Variants in SNTG1 observed in about 807,000 individuals in gnomAD.
SNTG1 encodes the protein gamma-1-syntrophin.
A neutral mutation model predicts 74.7 loss-of-function variants in SNTG1; 39 were observed. That is an observed-to-expected ratio of 0.52 (90% CI 0.40 to 0.68). SNTG1 has a LOEUF of 0.68. Among genes scored for constraint, SNTG1 ranks in the 30% least tolerant of loss-of-function variants. The pLI, the probability that SNTG1 is intolerant of heterozygous loss-of-function variation, is 0.00. For missense variants in SNTG1, 685 were observed against 609.5 expected, an observed-to-expected ratio of 1.12 and a Z score of -1.30; for synonymous variants, 254 against 217.1, an observed-to-expected ratio of 1.17 and a Z score of -1.49.
intron 4 of SNTG1, among the ~76,000 whole-genome samples, chr8:50,424,221 T>A (rs1465651217): frequency 2.0e-5 from 3 of 152,126 alleles, no homozygotes; most frequent in Admixed American, 6.6e-5. Context: ...GTACCCTCCC[T>A]CAGCATCACT....
At chr8:50,561,734 G>A (rs1186159540) in intron 12 of SNTG1, among the ~76,000 whole-genome samples, 1 of 152,134 alleles carries the variant, frequency 6.6e-6, no homozygotes, top group African/African-American at 2.4e-5. Flanking sequence ...TACGGAATCA[G>A]AAGAAGAAAA....
At chr8:49,934,797 C>T (rs893114163) in intron 1 of SNTG1, among the ~76,000 whole-genome samples, 5 of 152,080 alleles carry the variant, frequency 3.3e-5, no homozygotes, top group African/African-American at 1.2e-4. Flanking sequence ...AAAATCTAAT[C>T]TCCATAAGAA....
intron 13 of SNTG1, among the ~76,000 whole-genome samples, chr8:50,633,494 A>G (rs1300027422): frequency 6.6e-6 from 1 of 152,192 alleles, no homozygotes; most frequent in Non-Finnish European, 1.5e-5. Flanking sequence ...CTAAAGATGG[A>G]TAACAAGGGC....
chr8:50,716,975 A>G (rs932888374), intron 17 of SNTG1, among the ~76,000 whole-genome samples: 1 of 152,000 alleles, frequency 6.6e-6, no homozygotes, highest in Non-Finnish European at 1.5e-5. Flanking sequence ...TGACCTCGTG[A>G]TCCGCCTGCC....
intron 18 of SNTG1, among the ~76,000 whole-genome samples, chr8:50,783,741 T>C (rs1260870338): frequency 6.6e-6 from 1 of 152,202 alleles, no homozygotes; most frequent in African/African-American, 2.4e-5. Context: ...CCTAGTGAGA[T>C]GAACCTGGTA....
chr8:50,205,700 G>T (rs1231491721), intron 2 of SNTG1, among the ~76,000 whole-genome samples: 2 of 152,100 alleles, frequency 1.3e-5, no homozygotes, highest in African/African-American at 2.4e-5. Flanking sequence ...TATGGTTTTA[G>T]GTCTAACATG....
At chr8:50,065,976 GGAGGCC>G (rs1460502240) in intron 1 of SNTG1, among the ~76,000 whole-genome samples, 1 of 152,042 alleles carries the variant, frequency 6.6e-6, no homozygotes, top group African/African-American at 2.4e-5. Flanking sequence ...CACCACTTTG[GGAGGCC>G]GAGGCAGGCG....
At chr8:50,244,356 A>G (rs2086296028) in intron 2 of SNTG1, among the ~76,000 whole-genome samples, 1 of 152,158 alleles carries the variant, frequency 6.6e-6, no homozygotes, top group Non-Finnish European at 1.5e-5. Context: ...GAAGGCTTTT[A>G]GTAAGTGGGG....
chr8:50,381,693 C>T (rs2092486222), intron 2 of SNTG1, among the ~76,000 whole-genome samples: 4 of 111,192 alleles, frequency 3.6e-5, no homozygotes, highest in Admixed American at 1.0e-4. Flanking sequence ...ATATATATAT[C>T]CTATTAGTTA....
intron 2 of SNTG1, among the ~76,000 whole-genome samples, chr8:50,276,346 T>C (rs2088101710): frequency 6.7e-6 from 1 of 149,964 alleles, no homozygotes; most frequent in African/African-American, 2.5e-5. Context: ...ACTTAGGTTT[T>C]AGCACACATA....
chr8:50,533,097 A>G (rs114956223), intron 10 of SNTG1, among the ~76,000 whole-genome samples: 5 of 152,342 alleles, frequency 3.3e-5, no homozygotes, highest in African/African-American at 1.2e-4. Flanking sequence ...TTGAAGGTAC[A>G]TGAAAGTCAC....
intron 2 of SNTG1, among the ~76,000 whole-genome samples, chr8:50,256,541 G>A (rs997338319): frequency 2.0e-5 from 3 of 151,928 alleles, no homozygotes; most frequent in African/African-American, 7.3e-5. Context: ...GACTGGTAGG[G>A]GAGATGGACA....
At chr8:50,765,323 G>T (rs2095610962) in intron 18 of SNTG1, among the ~76,000 whole-genome samples, 1 of 151,980 alleles carries the variant, frequency 6.6e-6, no homozygotes, top group Non-Finnish European at 1.5e-5. Context: ...AGGTCACGTG[G>T]CTAGAAGGAG....
intron 2 of SNTG1, among the ~76,000 whole-genome samples, chr8:50,293,500 C>T (rs2089223786): frequency 6.6e-6 from 1 of 151,716 alleles, no homozygotes; most frequent in Admixed American, 6.6e-5. Context: ...ACCTCTGCCT[C>T]CTGGGTTCAA....
In SNTG1 at chr8:50,795,831, A is replaced by G. The variant is rs1802786275; in HGVS notation, c.*3002A>G. 1 of 152,094 alleles carries G rather than the reference A, an allele frequency of 6.6e-6. No individual in the cohort carries two copies. Among genetic ancestry groups the G allele is most frequent in the Non-Finnish European group, 1.5e-5 (1 of 67,974 alleles). 9.4% of individuals were successfully genotyped at this position (152,094 alleles called of 1,614,324 possible). On this transcript the variant is annotated 3_prime_UTR_variant, in exon 19 of 19. Coordinates refer to ENST00000642720, the MANE Select transcript of SNTG1 (RefSeq NM_018967.5). Reference sequence around the variant, plus strand: ...ATTTATTTAAAAAATAGTTTAATAGATAGTGTAAGTGTAATGTATATCTGA... The same window carrying G: ...ATTTATTTAAAAAATAGTTTAATAGGTAGTGTAAGTGTAATGTATATCTGA...
intron 15 of SNTG1, among the ~76,000 whole-genome samples, chr8:50,696,494 G>A (rs143365661): frequency 1.3e-3 from 201 of 151,886 alleles, no homozygotes; most frequent in African/African-American, 4.1e-3. Context: ...TTTGCTTTGA[G>A]GACTTGGTCA....
At chr8:50,117,858 G>T (rs767021974) in intron 1 of SNTG1, among the ~76,000 whole-genome samples, 88 of 152,070 alleles carry the variant, frequency 5.8e-4, no homozygotes, top group Non-Finnish European at 1.0e-3. Context: ...CTGAAGTTAG[G>T]TTATGTTTGG....
At chr8:50,467,006 A>G (rs759856180) in intron 8 of SNTG1, among the ~76,000 whole-genome samples, 20 of 151,938 alleles carry the variant, frequency 1.3e-4, no homozygotes, top group Non-Finnish European at 2.1e-4. Context: ...ATACATGCTT[A>G]ACTGGAATAA....
intron 2 of SNTG1, among the ~76,000 whole-genome samples, chr8:50,296,301 G>C (rs1483007795): frequency 1.3e-5 from 2 of 152,102 alleles, no homozygotes; most frequent in Middle Eastern, 3.2e-3. Flanking sequence ...CTACTATAAA[G>C]ACACATGCAC....
Sources: gnomAD v4.1 joint callset for allele counts (sites outside exome capture counted in the v4.1 genomes callset) on GRCh38, gnomAD v4.1.1 for gene constraint, MANE v1.5 for transcripts, NCBI Gene and HGNC (gene_info 2026-07-23, HGNC 2026-07-21) for gene names.